Variants in PDE3A observed in about 807,000 individuals in gnomAD.
PDE3A encodes cGMP-inhibited 3',5'-cyclic phosphodiesterase 3A.
In PDE3A, 43 loss-of-function variants were observed where a neutral mutation model predicts 98.3. The observed-to-expected ratio is 0.44, with a 90% CI of 0.34 to 0.56. The LOEUF (loss-of-function observed/expected upper bound fraction) is 0.56, where lower values mean the gene tolerates loss of function less well. Among genes scored for constraint, PDE3A ranks in the 20% least tolerant of loss-of-function variants. The pLI, the probability that PDE3A is intolerant of heterozygous loss-of-function variation, is 0.01. For synonymous variants in PDE3A, 663 were observed against 567.9 expected, an observed-to-expected ratio of 1.17 and a Z score of -2.38; for missense variants, 1,427 against 1,440.7, an observed-to-expected ratio of 0.99 and a Z score of 0.15.
intron 1 of PDE3A, among the ~76,000 whole-genome samples, chr12:20,534,293 T>C (rs187641293): frequency 7.7e-4 from 118 of 152,318 alleles, no homozygotes; most frequent in African/African-American, 2.7e-3. Context: ...CAGTGATTAT[T>C]GAATTAGTTA....
chr12:20,485,345 A>G (rs1197873856), intron 1 of PDE3A, among the ~76,000 whole-genome samples: 1 of 152,072 alleles, frequency 6.6e-6, no homozygotes, highest in East Asian at 1.9e-4. Flanking sequence ...TTGGATTGGA[A>G]CCTAGCCTAA....
At chr12:20,613,165 T>C (rs1679246885) in intron 2 of PDE3A, among the ~76,000 whole-genome samples, 1 of 152,114 alleles carries the variant, frequency 6.6e-6, no homozygotes, top group Admixed American at 6.6e-5. Context: ...TCTCTGAAAC[T>C]TTTTGCCTTT....
chr12:20,388,746 T>C (rs1230301408), intron 1 of PDE3A, among the ~76,000 whole-genome samples: 1 of 152,080 alleles, frequency 6.6e-6, no homozygotes. Context: ...TATATAATAT[T>C]GATTAACTTC....
intron 1 of PDE3A, among the ~76,000 whole-genome samples, chr12:20,555,211 A>C (rs1299712136): frequency 6.6e-6 from 1 of 152,136 alleles, no homozygotes; most frequent in Admixed American, 6.5e-5. Flanking sequence ...TTTAGTAGAG[A>C]CAGGGTTGAC....
At chr12:20,418,870 A>G (rs1170202387) in intron 1 of PDE3A, among the ~76,000 whole-genome samples, 1 of 152,266 alleles carries the variant, frequency 6.6e-6, no homozygotes, top group Middle Eastern at 3.4e-3. Flanking sequence ...TTATACATTA[A>G]AAGTCTGTAG....
chr12:20,369,954 G>C lies in PDE3A; in HGVS notation c.670G>C (p.Val224Leu), dbSNP rs1185605006. Reference sequence around the variant, plus strand: ...CGCCTTGACTAGCGCGGTCAGGACCGTGTCCCTCATTTCCTTAGAGAGGTT... The same window carrying C: ...CGCCTTGACTAGCGCGGTCAGGACCCTGTCCCTCATTTCCTTAGAGAGGTT... ...MIALTSAVRT[V>L]SLISLERFKV... The change falls in exon 1 of 16, where the codon GTG becomes CTG. Residue 224 changes from valine (V) to leucine (L), a missense_variant. Val to Leu is a conservative substitution (Grantham distance 32). Coordinates refer to ENST00000359062, the MANE Select transcript of PDE3A (RefSeq NM_000921.5). 4 of 1,613,428 alleles carry C rather than the reference G, an allele frequency of 2.5e-6. No individual in the cohort carries two copies. Among genetic ancestry groups the C allele is most frequent in the Non-Finnish European group, 3.4e-6 (4 of 1,179,972 alleles).
At chr12:20,626,790 G>A (rs540407722) in intron 5 of PDE3A, among the ~76,000 whole-genome samples, 4 of 152,122 alleles carry the variant, frequency 2.6e-5, no homozygotes, top group East Asian at 1.9e-4. Context: ...GAGCCACCGC[G>A]CCTAGCCGAG....
In PDE3A at chr12:20,644,832, C is replaced by CCCT. The variant is rs1182576594; in HGVS notation, c.2252-1640_2252-1638dup. Among the ~76,000 whole-genome samples, 191 of 147,568 alleles carry CCCT rather than the reference C, an allele frequency of 1.3e-3. No homozygotes were observed. The Middle Eastern group carries it at 0.014, about 11-fold the overall frequency. ...TTGAGCCTCCTCCTCCTCCTCCTTC[C>CCCT]CCTCCTCCTCCTCCTCCTCCCCCTC... On this transcript the variant is annotated intron_variant, in intron 10 of 15. Coordinates refer to ENST00000359062, the MANE Select transcript of PDE3A (RefSeq NM_000921.5).
intron 2 of PDE3A, among the ~76,000 whole-genome samples, chr12:20,594,417 A>C (rs7967015): frequency 0.4 from 61,400 of 151,952 alleles, 12,628 homozygotes; most frequent in South Asian, 0.54. Flanking sequence ...TTCTATATTT[A>C]GAAATTCATA....
In PDE3A at chr12:20,567,063, C is replaced by T. The variant is rs112094314; in HGVS notation, c.1011+10353C>T. On this transcript the variant is annotated intron_variant, in intron 2 of 15. Transcript: ENST00000359062. ...CCTAGGACAATTTAGTTTTCTTTTT[C>T]GTGGAGAAATACAGCATGACTTCAA... is the stretch of plus-strand genomic sequence containing the variant. Among the ~76,000 whole-genome samples the T allele has an allele frequency of 2.7e-3, 407 of 151,932 alleles. 3 individuals are homozygous for T. Among genetic ancestry groups the T allele is most frequent in the Middle Eastern group, 0.01 (3 of 292 alleles).
chr12:20,521,135 G>GT (rs11289147), intron 1 of PDE3A, among the ~76,000 whole-genome samples: 4 of 127,112 alleles, frequency 3.1e-5, no homozygotes, highest in Middle Eastern at 3.9e-3. Flanking sequence ...CTCCTGGAGT[G>GT]TTTTTTTTTT....
intron 1 of PDE3A, among the ~76,000 whole-genome samples, chr12:20,487,656 A>AG (rs1945754620): frequency 2.3e-5 from 1 of 43,084 alleles, no homozygotes; most frequent in Non-Finnish European, 7.2e-5. Context: ...CAGGCTTAAG[A>AG]AAAAAAAATA....
At chr12:20,601,781 C>A (rs1257115481) in intron 2 of PDE3A, among the ~76,000 whole-genome samples, 1 of 144,236 alleles carries the variant, frequency 6.9e-6, no homozygotes, top group Non-Finnish European at 1.5e-5. Context: ...TTTTTGTTTT[C>A]TGTGAAAAAA....
chr12:20,676,058 TTC>T (rs370100368), intron 15 of PDE3A, among the ~76,000 whole-genome samples: 73 of 149,630 alleles, frequency 4.9e-4, no homozygotes, highest in Admixed American at 6.0e-4. Context: ...TTTTGTTCCT[TTC>T]TCTCTCTCTC....
chr12:20,649,066 C>G (rs2121517128), intron 13 of PDE3A, among the ~76,000 whole-genome samples, 175 bp downstream of exon 13: 1 of 151,336 alleles, frequency 6.6e-6, no homozygotes, highest in African/African-American at 2.4e-5. Context: ...GCTGGGATTA[C>G]AGGCTCATGC....
chr12:20,409,656 G>T (rs1250973619), intron 1 of PDE3A, among the ~76,000 whole-genome samples: 1 of 152,102 alleles, frequency 6.6e-6, no homozygotes, highest in African/African-American at 2.4e-5. Flanking sequence ...TTCTACCCCA[G>T]ATAATGATTT....
chr12:20,430,288 A>G (rs1416460296), intron 1 of PDE3A, among the ~76,000 whole-genome samples: 1 of 152,166 alleles, frequency 6.6e-6, no homozygotes, highest in East Asian at 1.9e-4. Flanking sequence ...GTACACCTTT[A>G]AAATTTTTGA....
chr12:20,417,277 A>G (rs10841513), intron 1 of PDE3A, among the ~76,000 whole-genome samples: 6,895 of 152,252 alleles, frequency 0.045, 471 homozygotes, highest in African/African-American at 0.14. Context: ...CTGTAGAAAA[A>G]GGTCATTCGA....
At chr12:20,429,958 C>G (rs911293722) in intron 1 of PDE3A, among the ~76,000 whole-genome samples, 1 of 152,090 alleles carries the variant, frequency 6.6e-6, no homozygotes, top group African/African-American at 2.4e-5. Flanking sequence ...TGAAATGCCC[C>G]TAAATGTTTT....
Sources: allele counts gnomAD v4.1 joint callset (sites outside exome capture counted in the v4.1 genomes callset), GRCh38; gene constraint gnomAD v4.1.1; transcripts MANE v1.5; gene names NCBI Gene and HGNC (gene_info 2026-07-23, HGNC 2026-07-21).